The following SAMD3 variants were observed in gnomAD, a reference collection of about 807,000 sequenced individuals.
The protein encoded by SAMD3 is sterile alpha motif domain-containing protein 3.
Under a neutral mutation model 58.5 loss-of-function variants are expected in SAMD3, and 63 were observed. That is an observed-to-expected ratio of 1.08 (90% CI 0.88 to 1.33). The LOEUF is 1.33. Among genes scored for constraint, SAMD3 ranks in the 40% most tolerant of loss-of-function variants. The pLI is 0.00. For missense variants in SAMD3, 604 were observed against 608.4 expected (o/e 0.99, Z 0.08); for synonymous variants, 220 against 210.3 (o/e 1.05, Z -0.40).
intron 2 of SAMD3, among the ~76,000 whole-genome samples, chr6:130,250,902 G>T (rs9492506): frequency 0.054 from 8,176 of 152,118 alleles, 279 homozygotes; most frequent in African/African-American, 0.11. Flanking sequence ...CTACAAACAT[G>T]CATGTACAAA....
chr6:130,328,459 C>T (rs4141940), intron 1 of SAMD3, among the ~76,000 whole-genome samples: 2 of 151,984 alleles, frequency 1.3e-5, no homozygotes, highest in African/African-American at 4.8e-5. Flanking sequence ...AATGCCCAGG[C>T]AATACTAATC....
intron 1 of SAMD3, among the ~76,000 whole-genome samples, chr6:130,329,043 C>CCTCTCT (rs10679349): frequency 6.3e-4 from 92 of 147,076 alleles, no homozygotes; most frequent in Non-Finnish European, 9.1e-4. Context: ...TCTCTCTCTC[C>CCTCTCT]CTCTCTCTCT....
At chr6:130,271,380 A>G (rs1378303180) in intron 2 of SAMD3, among the ~76,000 whole-genome samples, 1 of 152,140 alleles carries the variant, frequency 6.6e-6, no homozygotes, top group Non-Finnish European at 1.5e-5. Context: ...GATGCTTACA[A>G]ATTTGATTGG....
At position 130,149,542 on chromosome 6, in the gene SAMD3, T is replaced by G. The variant is rs553360504; in HGVS notation, c.1024-3361A>C. The stretch of plus-strand genomic sequence containing the variant: ...AATACTACATAGCCATAAAAAAGAA[T>G]GAAATCATGTCCTTTGCAGCAACAT... On this transcript the variant is annotated intron_variant, in intron 9 of 11. Coordinates refer to ENST00000439090, the MANE Select transcript of SAMD3 (RefSeq NM_001017373.4). Among the ~76,000 whole-genome samples the G allele has an allele frequency of 2.0e-3, 303 of 152,270 alleles. 3 individuals are homozygous for G. Among genetic ancestry groups the G allele is most frequent in the African/African-American group, 5.3e-3 (220 of 41,552 alleles).
intron 5 of SAMD3, among the ~76,000 whole-genome samples, chr6:130,205,278 A>T (rs982591148): frequency 1.3e-5 from 2 of 151,096 alleles, no homozygotes; most frequent in African/African-American, 4.9e-5. Context: ...ACACATCCCA[A>T]GTTCTATTTT....
chr6:130,204,225 C>T (rs921031412), intron 5 of SAMD3, among the ~76,000 whole-genome samples: 10 of 152,054 alleles, frequency 6.6e-5, no homozygotes, highest in Admixed American at 6.6e-4. Context: ...TACTTTCATG[C>T]CTTATTAGCT....
chr6:130,148,404 T>C (rs1204675559), intron 9 of SAMD3, among the ~76,000 whole-genome samples: 5 of 152,244 alleles, frequency 3.3e-5, no homozygotes, highest in Non-Finnish European at 7.3e-5. Context: ...CCTCTTGGCA[T>C]GTCCTTATTA....
chr6:130,317,855 G>A (rs1251763934), intron 1 of SAMD3, among the ~76,000 whole-genome samples: 3 of 152,200 alleles, frequency 2.0e-5, no homozygotes, highest in Non-Finnish European at 4.4e-5. Flanking sequence ...GAGTATTCAG[G>A]CTGCAGGCCT....
upstream of SAMD3, among the ~76,000 whole-genome samples, chr6:130,224,628 A>T (rs976618105): frequency 8.4e-6 from 1 of 118,888 alleles, no homozygotes; most frequent in African/African-American, 4.8e-5. Context: ...TATTATTATT[A>T]TTATTTTTGA....
intron 2 of SAMD3, among the ~76,000 whole-genome samples, chr6:130,289,001 G>T (rs73773851): frequency 0.12 from 17,519 of 152,108 alleles, 2,736 homozygotes; most frequent in African/African-American, 0.36. Flanking sequence ...TTATTTCATG[G>T]ATTAGACCTA....
At chr6:130,358,116 T>G (rs1777887586) in intron 1 of SAMD3, among the ~76,000 whole-genome samples, 1 of 152,246 alleles carries the variant, frequency 6.6e-6, no homozygotes. Context: ...AAGCTGCATT[T>G]TCTTTGACAT....
At chr6:130,191,015 G>T (rs1337391189) in intron 5 of SAMD3, among the ~76,000 whole-genome samples, 1 of 151,604 alleles carries the variant, frequency 6.6e-6, no homozygotes, top group East Asian at 1.9e-4. Flanking sequence ...TAAAGACCAA[G>T]TATATAGAAG....
At chr6:130,167,585 T>A (rs116892655) in intron 8 of SAMD3, among the ~76,000 whole-genome samples, 368 of 152,348 alleles carry the variant, frequency 2.4e-3, no homozygotes, top group Non-Finnish European at 4.1e-3. Flanking sequence ...AATTACTCAG[T>A]TAAGTGTACT....
Position 130,209,589 on chromosome 6 carries a change from AG to A in SAMD3, c.288del (p.Ser97ProfsTer23), listed in dbSNP as rs1477917946. On this transcript the variant is annotated frameshift_variant, in exon 5 of 12. Coordinates refer to ENST00000439090, the MANE Select transcript of SAMD3 (RefSeq NM_001017373.4). LOFTEE classifies it high-confidence loss of function. ...EAARDYRDEE[S>X]SSPARHGEQM... is the part of the protein sequence containing the mutation. ...TGCTCCCCATGCCTGGCTGGACTGG[AG>A]GACTCTTCATCCCTGTAACTAAGAA... The A allele has an allele frequency of 8.1e-6, 13 of 1,612,610 alleles. No individual in the cohort carries two copies. The highest frequency in any genetic ancestry group is 1.3e-5 in the African/African-American group (1 of 74,902).
chr6:130,358,379 C>T (rs1777895695), intron 1 of SAMD3, among the ~76,000 whole-genome samples: 1 of 152,158 alleles, frequency 6.6e-6, no homozygotes, highest in Admixed American at 6.5e-5. Flanking sequence ...AAAAATCTTG[C>T]ATCTTAGCTG....
chr6:130,198,096 C>T (rs941407252), intron 5 of SAMD3, among the ~76,000 whole-genome samples: 20 of 152,154 alleles, frequency 1.3e-4, no homozygotes, highest in Admixed American at 1.3e-4. Flanking sequence ...TCCTATAAAA[C>T]GGCCCCACCC....
intron 2 of SAMD3, among the ~76,000 whole-genome samples, chr6:130,265,232 G>A (rs1583025461): frequency 6.6e-6 from 1 of 152,268 alleles, no homozygotes; most frequent in East Asian, 1.9e-4. Flanking sequence ...ACTGTGTAGA[G>A]GTATTGGACT....
intron 4 of SAMD3, among the ~76,000 whole-genome samples, chr6:130,212,593 C>T (rs940372455): frequency 9.2e-5 from 14 of 152,302 alleles, no homozygotes; most frequent in East Asian, 7.7e-4. Flanking sequence ...TCACAACGTA[C>T]GGATGAAGAA....
chr6:130,299,265 T>A (rs932907795), intron 2 of SAMD3, among the ~76,000 whole-genome samples: 1 of 152,122 alleles, frequency 6.6e-6, no homozygotes, highest in African/African-American at 2.4e-5. Context: ...ATATCAAGCA[T>A]CTTCTCAGAC....
Sources: allele counts gnomAD v4.1 joint callset (sites outside exome capture counted in the v4.1 genomes callset), GRCh38; gene constraint gnomAD v4.1.1; transcripts MANE v1.5; gene names NCBI Gene and HGNC (gene_info 2026-07-23, HGNC 2026-07-21).